TMCC1: variants seen among roughly 807,000 people sequenced by gnomAD.
The protein encoded by TMCC1 is transmembrane and coiled-coil domain family 1.
Under a neutral mutation model 52.4 loss-of-function variants are expected in TMCC1, and 15 were observed. That is an observed-to-expected ratio of 0.29 (90% CI 0.19 to 0.44). The LOEUF is 0.44. Among genes scored for constraint, TMCC1 ranks in the 20% least tolerant of loss-of-function variants. TMCC1 has a pLI of 1.00. For missense variants in TMCC1, 503 were observed against 806.0 expected (o/e 0.62, Z 4.55); for synonymous variants, 279 against 301.9 (o/e 0.92, Z 0.79).
intron 4 of TMCC1, among the ~76,000 whole-genome samples, chr3:129,796,375 A>G (rs1472337437): frequency 1.3e-5 from 2 of 152,228 alleles, no homozygotes; most frequent in Admixed American, 1.3e-4. Flanking sequence ...AAGTTATCCC[A>G]GTGTTAAATG....
intron 4 of TMCC1, among the ~76,000 whole-genome samples, chr3:129,681,313 T>G (rs974072865): frequency 6.6e-6 from 1 of 152,132 alleles, no homozygotes; most frequent in African/African-American, 2.4e-5. Flanking sequence ...ACATATTTTA[T>G]AAAGCAGTAA....
chr3:129,677,465 T>C (rs2088557224), intron 4 of TMCC1, among the ~76,000 whole-genome samples: 1 of 152,208 alleles, frequency 6.6e-6, no homozygotes, highest in Non-Finnish European at 1.5e-5. Context: ...ACATATAATA[T>C]TCATGTGCAG....
intron 2 of TMCC1, among the ~76,000 whole-genome samples, chr3:129,836,484 A>C (rs575984021): frequency 3.3e-4 from 51 of 152,376 alleles, no homozygotes; most frequent in Non-Finnish European, 5.4e-4. Context: ...TTTTAAAAAA[A>C]CTGAAATAAT....
chr3:129,850,274 A>G (rs2059858884), intron 2 of TMCC1, among the ~76,000 whole-genome samples: 1 of 152,224 alleles, frequency 6.6e-6, no homozygotes, highest in African/African-American at 2.4e-5. Flanking sequence ...AAAAATTAGA[A>G]AAGAATCTTA....
intron 4 of TMCC1, among the ~76,000 whole-genome samples, chr3:129,826,082 G>C (rs1260922410): frequency 6.6e-6 from 1 of 152,070 alleles, no homozygotes; most frequent in Non-Finnish European, 1.5e-5. Context: ...AGAATCACTA[G>C]CTGTAAATTC....
intron 2 of TMCC1, among the ~76,000 whole-genome samples, chr3:129,842,591 C>G (rs2059471197): frequency 1.3e-5 from 2 of 152,096 alleles, no homozygotes; most frequent in Admixed American, 1.3e-4. Flanking sequence ...CACTGAACAA[C>G]AGCTGAATAT....
At chr3:129,773,644 T>C (rs2054795142) in intron 4 of TMCC1, among the ~76,000 whole-genome samples, 1 of 152,232 alleles carries the variant, frequency 6.6e-6, no homozygotes, top group African/African-American at 2.4e-5. Flanking sequence ...TTCAAGTTAC[T>C]TTAAAAAATA....
intron 4 of TMCC1, among the ~76,000 whole-genome samples, chr3:129,691,945 TAAGAA>T (rs2047058906): frequency 6.6e-6 from 1 of 152,042 alleles, no homozygotes; most frequent in Non-Finnish European, 1.5e-5. Flanking sequence ...CCTACAAATC[TAAGAA>T]AAGAAAAAAG....
At chr3:129,833,819 C>T (rs770185025) in intron 2 of TMCC1, among the ~76,000 whole-genome samples, 1 of 152,144 alleles carries the variant, frequency 6.6e-6, no homozygotes, top group South Asian at 2.1e-4. Context: ...AAACCAGAGC[C>T]ACCATGTACA....
chr3:129,859,505 C>T (rs769356748), intron 2 of TMCC1, among the ~76,000 whole-genome samples: 3 of 151,916 alleles, frequency 2.0e-5, no homozygotes, highest in Non-Finnish European at 4.4e-5. Flanking sequence ...GGCATGGTGG[C>T]ATGACCCTAT....
At chr3:129,873,640 C>T (rs1002275610) in intron 2 of TMCC1, among the ~76,000 whole-genome samples, 3 of 152,086 alleles carry the variant, frequency 2.0e-5, no homozygotes, top group Admixed American at 1.3e-4. Flanking sequence ...CGATCACACG[C>T]ACCACTACAC....
intron 5 of TMCC1, among the ~76,000 whole-genome samples, chr3:129,657,823 C>T (rs2086765205): frequency 6.6e-6 from 1 of 152,198 alleles, no homozygotes; most frequent in Non-Finnish European, 1.5e-5. Flanking sequence ...GAAAATGGTA[C>T]AATTGCTCTG....
rs2086272060 is a variant in TMCC1 at position 129,650,703 on chromosome 3, C to T, written c.*778G>A. The T allele has an allele frequency of 6.6e-6, 1 of 152,548 alleles. No homozygotes were observed. Among genetic ancestry groups the T allele is most frequent in the Admixed American group, 6.5e-5 (1 of 15,272 alleles). 9.4% of individuals were successfully genotyped at this position (152,548 alleles called of 1,614,324 possible). On this transcript the variant is annotated 3_prime_UTR_variant, in exon 7 of 7. Transcript: ENST00000393238. ...CTGAGAGTTTGAGTATTACATTCTT[C>T]AAGTATGCTGTTCGGATTTTTTATT... is the stretch of plus-strand genomic sequence containing the variant.
chr3:129,740,869 TTGAC>T (rs2051395713), intron 4 of TMCC1, among the ~76,000 whole-genome samples: 1 of 152,188 alleles, frequency 6.6e-6, no homozygotes. Context: ...AAACTATTAT[TTGAC>T]TGGGCTTTAC....
chr3:129,812,318 C>T (rs1386731564), intron 4 of TMCC1, among the ~76,000 whole-genome samples: 1 of 100,838 alleles, frequency 9.9e-6, no homozygotes, highest in African/African-American at 3.9e-5. Flanking sequence ...GCCTAGGCAA[C>T]AGAGCAAGAC....
intron 4 of TMCC1, among the ~76,000 whole-genome samples, chr3:129,800,923 C>CTCTT (rs1459817260): frequency 1.9e-5 from 2 of 103,330 alleles, no homozygotes; most frequent in Non-Finnish European, 1.9e-5. Context: ...ACATCTCACA[C>CTCTT]TATTTTTTTT....
chr3:129,772,075 T>C (rs951502893), intron 4 of TMCC1, among the ~76,000 whole-genome samples: 10 of 152,168 alleles, frequency 6.6e-5, no homozygotes, highest in African/African-American at 2.4e-4. Context: ...ATAAAAAACT[T>C]TGGCCAGGTG....
chr3:129,785,581 ACACAAAC>A (rs1560415096), intron 4 of TMCC1, among the ~76,000 whole-genome samples: 1 of 145,962 alleles, frequency 6.9e-6, no homozygotes, highest in African/African-American at 2.8e-5. Flanking sequence ...ACACACACAC[ACACAAAC>A]ACACACACAC....
intron 4 of TMCC1, among the ~76,000 whole-genome samples, chr3:129,709,396 A>AGCCCAGGAG (rs1343081485): frequency 1.4e-5 from 2 of 142,110 alleles, no homozygotes; most frequent in Non-Finnish European, 3.0e-5. Context: ...GGATCACCTG[A>AGCCCAGGAG]GCCCAGGAGG....
Sources: gnomAD v4.1 joint callset for allele counts (sites outside exome capture counted in the v4.1 genomes callset) on GRCh38, gnomAD v4.1.1 for gene constraint, MANE v1.5 for transcripts, NCBI Gene and HGNC (gene_info 2026-07-23, HGNC 2026-07-21) for gene names.